Variants in CENPH observed in about 807,000 individuals in gnomAD.
CENPH encodes CENP-H.
Under a neutral mutation model 42.9 loss-of-function variants are expected in CENPH, and 40 were observed. That is an observed-to-expected ratio of 0.93 (90% CI 0.72 to 1.21). CENPH has a LOEUF of 1.21. Among genes scored for constraint, CENPH ranks in the 50% most tolerant of loss-of-function variants. The pLI is 0.00. For synonymous variants in CENPH, 88 were observed against 96.5 expected (o/e 0.91, Z 0.52); for missense variants, 302 against 292.9 (o/e 1.03, Z -0.23).
intron 8 of CENPH, among the ~76,000 whole-genome samples, chr5:69,209,065 G>A (rs1055005664): frequency 6.6e-6 from 1 of 152,160 alleles, no homozygotes; most frequent in East Asian, 1.9e-4. Flanking sequence ...AAAGTGCCGG[G>A]ATTACAGGCT....
chr5:69,194,662 C>A lies in CENPH; in HGVS notation c.206C>A (p.Pro69Gln). ...TTATTTGCAGGTGAAGAAAAAACTC[C>A]AGAACAAATTATGCAAGAAAAGCAA... ...SMVDASEEKT[P>Q]EQIMQEKQIE... The change falls in exon 3 of 9, where the codon CCA (proline) becomes CAA (glutamine). Residue 69 changes from proline (P) to glutamine (Q), a missense_variant. By Grantham distance (76) the Pro-to-Gln change is moderately conservative (BLOSUM62 -1). Transcript: ENST00000283006. 1 of 1,588,946 alleles carries A rather than the reference C, an allele frequency of 6.3e-7. No homozygotes were observed. The highest frequency in any genetic ancestry group is 8.6e-7 in the Non-Finnish European group (1 of 1,165,266).
At chr5:69,193,670 T>G (rs1253071038) in intron 2 of CENPH, among the ~76,000 whole-genome samples, 1 of 151,374 alleles carries the variant, frequency 6.6e-6, no homozygotes, top group Non-Finnish European at 1.5e-5. Context: ...TCTGTTTTTT[T>G]TTTTTTTTTG....
At chr5:69,209,182 A>G (rs1748208310) in intron 8 of CENPH, among the ~76,000 whole-genome samples, 1 of 152,176 alleles carries the variant, frequency 6.6e-6, no homozygotes, top group Non-Finnish European at 1.5e-5. Flanking sequence ...ATATTCCCTA[A>G]CATTATGGAG....
In CENPH at chr5:69,197,048, C is replaced by T. The variant is rs756457272; in HGVS notation, c.315-5C>T. On this transcript the variant is annotated splice_region_variant and splice_polypyrimidine_tract_variant and intron_variant, in intron 4 of 8. Coordinates refer to ENST00000283006, the MANE Select transcript of CENPH (RefSeq NM_022909.4). The stretch of plus-strand genomic sequence containing the variant: ...TTTATAATGCAAGCTTTTTCCCTCT[C>T]ATAGGATGAGACTTTCAACTGCACT... 38 of 1,557,096 alleles carry T rather than the reference C, an allele frequency of 2.4e-5. No individual in the cohort carries two copies. In the Middle Eastern group the frequency reaches 6.9e-4, roughly 28 times the overall value.
intron 2 of CENPH, among the ~76,000 whole-genome samples, chr5:69,192,052 A>T (rs1747880985): frequency 6.6e-6 from 1 of 152,018 alleles, no homozygotes. Flanking sequence ...CGCCCGTCTA[A>T]TTTTCTGTAT....
intron 5 of CENPH, among the ~76,000 whole-genome samples, chr5:69,198,804 G>T (rs373009839): frequency 8.4e-4 from 128 of 152,188 alleles, no homozygotes; most frequent in Non-Finnish European, 1.3e-3. Flanking sequence ...GCATGGTGGA[G>T]CCACCAGTAG....
intron 2 of CENPH, among the ~76,000 whole-genome samples, chr5:69,193,151 A>G (rs1482378965): frequency 6.8e-6 from 1 of 147,562 alleles, no homozygotes; most frequent in Non-Finnish European, 1.5e-5. Context: ...ATATACGTAT[A>G]TGTATATATA....
intron 5 of CENPH, among the ~76,000 whole-genome samples, chr5:69,197,937 TTTTG>T (rs1312110684): frequency 7.1e-6 from 1 of 141,600 alleles, no homozygotes; most frequent in Non-Finnish European, 1.5e-5. Flanking sequence ...TTTTTTTTTT[TTTTG>T]AGACAGTCTT....
intron 5 of CENPH, among the ~76,000 whole-genome samples, chr5:69,201,590 A>G (rs1748059561): frequency 6.6e-6 from 1 of 152,220 alleles, no homozygotes; most frequent in Non-Finnish European, 1.5e-5. Context: ...GGGCCTCAGT[A>G]GCTCATGTCT....
At chr5:69,201,870 C>G (rs1366568679) in intron 5 of CENPH, among the ~76,000 whole-genome samples, 5 of 152,104 alleles carry the variant, frequency 3.3e-5, no homozygotes, top group Non-Finnish European at 5.9e-5. Context: ...AAAACAAACC[C>G]GTAGGCTATA....
chr5:69,205,361 G>C (rs1748134949), intron 7 of CENPH, among the ~76,000 whole-genome samples: 1 of 152,144 alleles, frequency 6.6e-6, no homozygotes, highest in African/African-American at 2.4e-5. Context: ...TCGAGTAGCT[G>C]GGATTACAGG....
Position 69,189,601 on chromosome 5 carries a change from C to G in CENPH, c.-34C>G, listed in dbSNP as rs1319882190. On this transcript the variant is annotated 5_prime_UTR_variant, in exon 1 of 9. Coordinates refer to ENST00000283006, the MANE Select transcript of CENPH (RefSeq NM_022909.4). ...AAGCGACCTTTTCTGAGCGCGTTTGCCTGTTGAGTGGTAGCCTTTCCCCTC... is the reference window on the plus strand; with the variant it reads ...AAGCGACCTTTTCTGAGCGCGTTTGGCTGTTGAGTGGTAGCCTTTCCCCTC... 8.4e-6 allele frequency: 13 copies of G among 1,556,518 alleles called. No individual in the cohort carries two copies. Among genetic ancestry groups the G allele is most frequent in the Non-Finnish European group, 1.1e-5 (13 of 1,155,626 alleles).
chr5:69,189,714 A>C lies in CENPH; in HGVS notation c.80A>C (p.Gln27Pro), dbSNP rs779531643. The C allele has an allele frequency of 8.9e-6, 14 of 1,565,352 alleles. No homozygotes were observed. The South Asian group carries it at 1.5e-4, about 17-fold the overall frequency. ...GAAGGCCGGGCAGGCGGGCCACCGCAGGTCGCCGGCGCCCAGGCGGCGTGC... is the reference window on the plus strand; with the variant it reads ...GAAGGCCGGGCAGGCGGGCCACCGCCGGTCGCCGGCGCCCAGGCGGCGTGC... ...GGEGRAGGPP[Q>P]VAGAQAACSE... Residue 27 changes from glutamine to proline, a missense_variant, in exon 1 of 9, where the codon CAG becomes CCG. Coordinates refer to ENST00000283006, the MANE Select transcript of CENPH (RefSeq NM_022909.4).
chr5:69,193,450 G>A (rs7719040), intron 2 of CENPH, among the ~76,000 whole-genome samples: 67,862 of 150,962 alleles, frequency 0.45, 15,420 homozygotes, highest in South Asian at 0.55. Flanking sequence ...GAAACATAGC[G>A]AGACCCCCAC....
At chr5:69,204,330 G>T (rs1580229160) in intron 7 of CENPH, among the ~76,000 whole-genome samples, 1 of 151,622 alleles carries the variant, frequency 6.6e-6, no homozygotes, top group African/African-American at 2.4e-5. Context: ...ACCCAGGCTG[G>T]AGTGCAGTGG....
intron 5 of CENPH, among the ~76,000 whole-genome samples, chr5:69,200,665 CTA>C (rs1748042374): frequency 7.3e-6 from 1 of 136,278 alleles, no homozygotes; most frequent in African/African-American, 2.7e-5. Flanking sequence ...AGAATAATGT[CTA>C]TTATAGTGAT....
chr5:69,208,047 AT>A (rs1421508009), intron 7 of CENPH, 148 bp from the exon 8 acceptor site: 1 of 449,688 alleles, frequency 2.2e-6, no homozygotes, highest in African/African-American at 2.0e-5. Flanking sequence ...TCATTTTCAG[AT>A]CGTAATAAAG....
At chr5:69,200,580 A>G (rs1196294770) in intron 5 of CENPH, among the ~76,000 whole-genome samples, 1 of 152,046 alleles carries the variant, frequency 6.6e-6, no homozygotes, top group Non-Finnish European at 1.5e-5. Context: ...CAGCTCTCCC[A>G]GGTTTGTGCA....
Position 69,196,551 on chromosome 5 carries a change from A to G in CENPH, c.315-502A>G, listed in dbSNP as rs568270896. Among the ~76,000 whole-genome samples, 9 of 152,288 alleles carry G rather than the reference A, an allele frequency of 5.9e-5. 1 individual carries two copies. In the South Asian group the frequency reaches 1.9e-3, roughly 32 times the overall value. On this transcript the variant is annotated intron_variant, in intron 4 of 8. Transcript: ENST00000283006. ...TCCCAGCTACTAGGGAGGCTGAGGC[A>G]GGAGAATCACTTAAACCCAGGAGGC...
Sources: gnomAD v4.1 joint callset for allele counts (sites outside exome capture counted in the v4.1 genomes callset) on GRCh38, gnomAD v4.1.1 for gene constraint, MANE v1.5 for transcripts, NCBI Gene and HGNC (gene_info 2026-07-23, HGNC 2026-07-21) for gene names.